The following NAA35 variants were observed in gnomAD, a reference collection of about 807,000 sequenced individuals.
NAA35 encodes N-alpha-acetyltransferase 35, NatC auxiliary subunit, also known as MAK10 homolog, amino-acid N-acetyltransferase subunit.
Under a neutral mutation model 101.7 loss-of-function variants are expected in NAA35, and 18 were observed. The observed-to-expected ratio is 0.18, with a 90% CI of 0.12 to 0.26. NAA35 has a LOEUF of 0.26. NAA35 is among the 10% of genes least tolerant of loss of function. The pLI is 1.00. For missense variants in NAA35, 601 were observed against 886.8 expected (o/e 0.68, Z 4.09); for synonymous variants, 267 against 273.1 (o/e 0.98, Z 0.22).
At position 85,993,091 on chromosome 9, in the gene NAA35, T is replaced by G. The variant is rs56024455; in HGVS notation, c.878-3308T>G. Among the ~76,000 whole-genome samples, 1,317 of 152,332 alleles carry G rather than the reference T, an allele frequency of 8.6e-3. 15 individuals are homozygous for G. Among genetic ancestry groups the G allele is most frequent in the Middle Eastern group, 0.048 (14 of 294 alleles). ...ATACATGCAACATAATGGATAAATCTTGGAAACATTATGTTGAGCCAAAGA... is the reference window on the plus strand; with the variant it reads ...ATACATGCAACATAATGGATAAATCGTGGAAACATTATGTTGAGCCAAAGA... On this transcript the variant is annotated intron_variant, in intron 11 of 22. Coordinates refer to ENST00000361671, the MANE Select transcript of NAA35 (RefSeq NM_024635.4).
rs968989424 is a variant in NAA35, at chr9:86,005,856, C to T, written c.1117-1502C>T. ...CAAATTAAATCACAGAAATACTATTCACCTTTCAGAATATCTTTAAAAAAA... is the reference window on the plus strand; with the variant it reads ...CAAATTAAATCACAGAAATACTATTTACCTTTCAGAATATCTTTAAAAAAA... On this transcript the variant is annotated intron_variant, in intron 13 of 22. Transcript: ENST00000361671. Among the ~76,000 whole-genome samples the T allele has an allele frequency of 2.0e-5, 3 of 151,858 alleles. No homozygotes were observed. In the South Asian group the frequency reaches 6.3e-4, roughly 32 times the overall value.
chr9:85,943,623 A>G (rs775007276), intron 2 of NAA35, among the ~76,000 whole-genome samples: 2 of 152,228 alleles, frequency 1.3e-5, no homozygotes, highest in Non-Finnish European at 2.9e-5. Flanking sequence ...CTGCCTATGT[A>G]TGTCTATCTA....
chr9:86,018,112 A>T (rs749067351), intron 19 of NAA35, 143 bp from the exon 20 acceptor site: 39 of 696,944 alleles, frequency 5.6e-5, no homozygotes, highest in Non-Finnish European at 7.2e-5. Context: ...ACCTGTGCTT[A>T]TGACAATTAT....
chr9:85,988,767 G>A (rs1830766242), intron 11 of NAA35, among the ~76,000 whole-genome samples: 1 of 151,678 alleles, frequency 6.6e-6, no homozygotes, highest in Non-Finnish European at 1.5e-5. Context: ...TTGCACTCCA[G>A]TCTGGGCAAC....
chr9:85,980,102 A>AGGATGT (rs1302770903), intron 11 of NAA35, among the ~76,000 whole-genome samples: 1 of 152,140 alleles, frequency 6.6e-6, no homozygotes, highest in Non-Finnish European at 1.5e-5. Flanking sequence ...TTTATTGTGG[A>AGGATGT]GGCTATAGGA....
chr9:85,996,393 T>G lies in NAA35; in HGVS notation c.878-6T>G. ...AAAAATTTTACTTTCATTTTTTTCT[T>G]TTTAGATCATCCAATTATGATGGGT... is the stretch of plus-strand genomic sequence containing the variant. On this transcript the variant is annotated splice_polypyrimidine_tract_variant and splice_region_variant and intron_variant, in intron 11 of 22. Coordinates refer to ENST00000361671, the MANE Select transcript of NAA35 (RefSeq NM_024635.4). 6.4e-7 allele frequency: 1 copy of G among 1,559,922 alleles called. No individual in the cohort carries two copies. The highest frequency in any genetic ancestry group is 8.6e-7 in the Non-Finnish European group (1 of 1,162,530).
chr9:86,005,679 TTGAAA>T lies in NAA35; in HGVS notation c.1117-1674_1117-1670del, dbSNP rs1202582031. On this transcript the variant is annotated intron_variant, in intron 13 of 22. Coordinates refer to ENST00000361671, the MANE Select transcript of NAA35 (RefSeq NM_024635.4). ...AGAAAGCAGTTGTAATTCTATATAC[TTGAAA>T]TGAACAATGGTAGATCAAAATTTTA... is the stretch of plus-strand genomic sequence containing the variant. Among the ~76,000 whole-genome samples the T allele has an allele frequency of 6.6e-5, 10 of 152,196 alleles. No individual in the cohort carries two copies. In the East Asian group the frequency reaches 1.6e-3, roughly 24 times the overall value.
In NAA35 at chr9:86,024,864, T is replaced by G. The variant is rs1196250908; in HGVS notation, c.*2904T>G. ...GGAGATGAACTGAGGACTCAGTAAC[T>G]ATAGTCACTGTAATTTTCTGGGGGT... On this transcript the variant is annotated 3_prime_UTR_variant, in exon 23 of 23. Coordinates refer to ENST00000361671, the MANE Select transcript of NAA35 (RefSeq NM_024635.4). Among the ~76,000 whole-genome samples the G allele has an allele frequency of 6.6e-6, 1 of 152,064 alleles. No individual in the cohort carries two copies. Among genetic ancestry groups the G allele is most frequent in the Non-Finnish European group, 1.5e-5 (1 of 68,016 alleles).
chr9:86,001,754 A>G (rs1304591155), intron 12 of NAA35, among the ~76,000 whole-genome samples: 1 of 152,108 alleles, frequency 6.6e-6, no homozygotes, highest in Non-Finnish European at 1.5e-5. Flanking sequence ...TTTTGAGCCT[A>G]TGAGTGTCAT....
chr9:86,021,263 G>A (rs987174626), intron 22 of NAA35, among the ~76,000 whole-genome samples: 1 of 152,194 alleles, frequency 6.6e-6, no homozygotes, highest in African/African-American at 2.4e-5. Context: ...TATGGGAGAA[G>A]TATGAGGTAT....
chr9:85,954,381 C>A (rs1403482835), intron 2 of NAA35, among the ~76,000 whole-genome samples: 1 of 152,194 alleles, frequency 6.6e-6, no homozygotes, highest in African/African-American at 2.4e-5. Flanking sequence ...CTGCATCTGT[C>A]CTGTTTTTAA....
intron 3 of NAA35, among the ~76,000 whole-genome samples, chr9:85,957,750 T>A (rs755539771): frequency 3.9e-5 from 6 of 152,146 alleles, no homozygotes; most frequent in Non-Finnish European, 8.8e-5. Context: ...ATATGAAACT[T>A]TTAATTAGTA....
chr9:85,978,140 A>G, intron 10 of NAA35, 127 bp from the exon 11 acceptor site: 1 of 637,340 alleles, frequency 1.6e-6, no homozygotes, highest in South Asian at 1.9e-5. Context: ...TTAAGTGCAT[A>G]GTTTATGAAA....
intron 5 of NAA35, among the ~76,000 whole-genome samples, chr9:85,960,472 T>C (rs1207746205): frequency 6.6e-6 from 1 of 152,226 alleles, no homozygotes; most frequent in Non-Finnish European, 1.5e-5. Context: ...ATTTATTGAT[T>C]GCTAGTGTGT....
At chr9:85,993,465 G>A (rs1053135744) in intron 11 of NAA35, among the ~76,000 whole-genome samples, 8 of 152,114 alleles carry the variant, frequency 5.3e-5, no homozygotes, top group African/African-American at 1.7e-4. Context: ...CACCATGTCC[G>A]GCTAGGAAAG....
At chr9:85,981,208 T>C (rs1389035633) in intron 11 of NAA35, among the ~76,000 whole-genome samples, 1 of 152,140 alleles carries the variant, frequency 6.6e-6, no homozygotes, top group African/African-American at 2.4e-5. Flanking sequence ...TTCTGTACCA[T>C]AGGACATAAG....
chr9:86,015,081 T>C (rs890976853), intron 17 of NAA35, among the ~76,000 whole-genome samples: 7 of 152,162 alleles, frequency 4.6e-5, no homozygotes, highest in Non-Finnish European at 1.0e-4. Context: ...TTCCTTTTTA[T>C]AGGGGAACAT....
chr9:85,956,444 T>C (rs1013046896), intron 3 of NAA35, 51 bp downstream of exon 3: 14 of 1,156,244 alleles, frequency 1.2e-5, no homozygotes, highest in African/African-American at 1.6e-5. Flanking sequence ...CAGTCTGTTT[T>C]TTTTTCCTCA....
At chr9:86,004,380 C>G (rs1174773792) in intron 13 of NAA35, among the ~76,000 whole-genome samples, 1 of 151,846 alleles carries the variant, frequency 6.6e-6, no homozygotes, top group Non-Finnish European at 1.5e-5. Context: ...GCTAGGATTA[C>G]AGGTTGGAGG....
Sources: gnomAD v4.1 joint callset for allele counts (sites outside exome capture counted in the v4.1 genomes callset) on GRCh38, gnomAD v4.1.1 for gene constraint, MANE v1.5 for transcripts, NCBI Gene and HGNC (gene_info 2026-07-23, HGNC 2026-07-21) for gene names.